Variants in PPP2R1B observed in about 807,000 individuals in gnomAD.
The protein encoded by PPP2R1B is serine/threonine-protein phosphatase 2A 65 kDa regulatory subunit A beta isoform.
Under a neutral mutation model 72.7 loss-of-function variants are expected in PPP2R1B, and 58 were observed. The ratio of observed to expected loss-of-function variants is 0.80; its 90% confidence interval spans 0.65 to 0.99. The LOEUF is 0.99. PPP2R1B is among the 50% of genes least tolerant of loss of function. The pLI, the probability that PPP2R1B is intolerant of heterozygous loss-of-function variation, is 0.00. For synonymous variants in PPP2R1B, 256 were observed against 264.6 expected (o/e 0.97, Z 0.32); for missense variants, 695 against 733.6 (o/e 0.95, Z 0.61).
At chr11:111,735,466 C>G (rs1944311634), downstream of PPP2R1B, 1 of 152,260 alleles carries the variant, frequency 6.6e-6, no homozygotes, top group Non-Finnish European at 1.5e-5. Flanking sequence ...TCAGCGGGGG[C>G]ACCCTGTGTC....
At chr11:111,723,723 G>A (rs568139966), downstream of PPP2R1B, 79 of 1,614,094 alleles carry the variant, frequency 4.9e-5, 1 homozygote, top group South Asian at 8.6e-4. Flanking sequence ...CCTTTCCTCA[G>A]CCAGTACCAA....
intron 15 of PPP2R1B, among the ~76,000 whole-genome samples, chr11:111,731,636 G>A (rs1387598686): frequency 1.3e-5 from 2 of 152,212 alleles, no homozygotes; most frequent in Non-Finnish European, 2.9e-5. Context: ...CTCCCTGCGG[G>A]GTGAGCCGCT....
At chr11:111,744,898 G>T (rs1490802151) in intron 11 of PPP2R1B, among the ~76,000 whole-genome samples, 1 of 152,174 alleles carries the variant, frequency 6.6e-6, no homozygotes, top group Non-Finnish European at 1.5e-5. Flanking sequence ...GTAAGACTCA[G>T]ATGCACTAAG....
chr11:111,754,735 C>T (rs1945037864), intron 7 of PPP2R1B, among the ~76,000 whole-genome samples, 166 bp from the exon 8 acceptor site: 1 of 152,028 alleles, frequency 6.6e-6, no homozygotes, highest in South Asian at 2.1e-4. Context: ...CTCTCTATGC[C>T]ATTGCATATC....
the PPP2R1B span, among the ~76,000 whole-genome samples, chr11:111,700,395 G>A: frequency 1.3e-5 from 2 of 151,774 alleles, no homozygotes; most frequent in Non-Finnish European, 2.9e-5. Context: ...TTGTTACTTA[G>A]GAAACACTGC....
downstream of PPP2R1B, chr11:111,737,386 T>C (rs950285661): frequency 2.5e-6 from 4 of 1,612,116 alleles, no homozygotes; most frequent in Middle Eastern, 1.6e-4. Flanking sequence ...CTGCACACCA[T>C]GCCACCCTGG....
At chr11:111,717,132 G>A in the PPP2R1B span, among the ~76,000 whole-genome samples, 1 of 151,784 alleles carries the variant, frequency 6.6e-6, no homozygotes, top group Non-Finnish European at 1.5e-5. Context: ...GGCTAACATG[G>A]TGAAACCCCA....
At chr11:111,760,061 T>A in intron 4 of PPP2R1B, 110 bp from the exon 5 acceptor site, 1 of 1,177,140 alleles carries the variant, frequency 8.5e-7, no homozygotes, top group Non-Finnish European at 1.2e-6. Context: ...AATCAGTGAC[T>A]AAGCTTCTAC....
Position 111,753,432 on chromosome 11 carries a change from G to A in PPP2R1B, c.1164+11C>T, listed in dbSNP as rs1555048571. 1 of 1,609,132 alleles carries A rather than the reference G, an allele frequency of 6.2e-7. No individual in the cohort carries two copies. The highest frequency in any genetic ancestry group is 1.7e-5 in the Admixed American group (1 of 58,846). On this transcript the variant is annotated intron_variant, in intron 9 of 14. Transcript: ENST00000527614. ...ACTATCAAAGGCAACAGAACATAAA[G>A]CAAGACCCACCTCATCCTTTAACTG...
At chr11:111,705,195 A>T in the PPP2R1B span, 2 of 1,457,176 alleles carry the variant, frequency 1.4e-6, no homozygotes, top group Non-Finnish European at 1.8e-6. This position sits in a 1 kb window ranked among gnomAD's most constrained non-coding sequence, Gnocchi z 4.3. Context: ...CACATGTTTG[A>T]TACATTTTTC....
chr11:111,703,242 C>T, the PPP2R1B span: 1 of 1,614,146 alleles, frequency 6.2e-7, no homozygotes, highest in Non-Finnish European at 8.5e-7. Flanking sequence ...GTCCTAGACC[C>T]ATCCAAACGG....
intron 4 of PPP2R1B, among the ~76,000 whole-genome samples, chr11:111,760,496 A>T (rs566025064): frequency 1.1e-4 from 16 of 152,160 alleles, no homozygotes; most frequent in Non-Finnish European, 2.1e-4. Context: ...AATTTTTTTT[A>T]AAAATTAGCC....
chr11:111,737,816 T>G, downstream of PPP2R1B: 1 of 1,297,058 alleles, frequency 7.7e-7, no homozygotes, highest in Non-Finnish European at 1.0e-6. Context: ...CACCTGGCTG[T>G]TCCCCACATC....
the PPP2R1B span, among the ~76,000 whole-genome samples, chr11:111,691,624 G>A: frequency 6.6e-6 from 1 of 152,114 alleles, no homozygotes; most frequent in Non-Finnish European, 1.5e-5. Context: ...ATCATTCTAT[G>A]GTTGTACATT....
chr11:111,717,018 A>G, the PPP2R1B span, among the ~76,000 whole-genome samples: 1 of 152,226 alleles, frequency 6.6e-6, no homozygotes, highest in Non-Finnish European at 1.5e-5. Context: ...AACATATGAA[A>G]AAAAGCTCAA....
the PPP2R1B span, among the ~76,000 whole-genome samples, chr11:111,706,551 A>G: frequency 6.6e-6 from 1 of 152,254 alleles, no homozygotes; most frequent in East Asian, 1.9e-4. Context: ...CAAAATTTAC[A>G]GGATTATAAT....
downstream of PPP2R1B, chr11:111,735,140 T>C (rs1944301842): frequency 6.6e-6 from 1 of 152,130 alleles, no homozygotes; most frequent in African/African-American, 2.4e-5. Flanking sequence ...AGCTGGGACG[T>C]GGCGCAGGGG....
chr11:111,734,870 A>AC (rs1361744352), downstream of PPP2R1B, among the ~76,000 whole-genome samples: 1 of 152,202 alleles, frequency 6.6e-6, no homozygotes, highest in Non-Finnish European at 1.5e-5. Flanking sequence ...TGTGGGAGGA[A>AC]CAGGACATGC....
the PPP2R1B span, chr11:111,712,288 A>G: frequency 6.2e-7 from 1 of 1,614,202 alleles, no homozygotes; most frequent in East Asian, 2.2e-5. Context: ...TCCCCCAGGC[A>G]TCCAACGTGG....
Sources: gnomAD v4.1 joint callset for allele counts (sites outside exome capture counted in the v4.1 genomes callset) on GRCh38, gnomAD v4.1.1 for gene constraint, Gnocchi (gnomAD v3.1) non-coding constraint, MANE v1.5 for transcripts, NCBI Gene and HGNC (gene_info 2026-07-23, HGNC 2026-07-21) for gene names.